The following ANXA10 variants were observed in gnomAD, a reference collection of about 807,000 sequenced individuals.
ANXA10 encodes annexin A10.
ANXA10 carries 49 observed loss-of-function variants against 53.5 expected under a neutral mutation model. The observed-to-expected ratio is 0.92, with a 90% confidence interval of 0.73 to 1.16. ANXA10 has a LOEUF of 1.16. Ranked by LOEUF, ANXA10 falls within the 50% of genes most tolerant of loss-of-function variation. The pLI is 0.00. For synonymous variants in ANXA10, 131 were observed against 128.9 expected (o/e 1.02, Z -0.11); for missense variants, 393 against 394.4 (o/e 1.00, Z 0.03).
intron 1 of ANXA10, among the ~76,000 whole-genome samples, chr4:168,100,522 C>G (rs1730622847): frequency 6.6e-6 from 1 of 152,196 alleles, no homozygotes; most frequent in Non-Finnish European, 1.5e-5. Context: ...CTCTGCTTCT[C>G]TCTCTTGTAT....
intron 3 of ANXA10, among the ~76,000 whole-genome samples, chr4:168,146,311 C>T (rs983618932): frequency 6.6e-6 from 1 of 152,092 alleles, no homozygotes; most frequent in East Asian, 1.9e-4. Flanking sequence ...AGTGATGTGG[C>T]GGAAGTCAGC....
At chr4:168,153,127 G>A (rs554368197) in intron 3 of ANXA10, among the ~76,000 whole-genome samples, 2 of 152,082 alleles carry the variant, frequency 1.3e-5, no homozygotes, top group African/African-American at 4.8e-5. Context: ...GCACCACTGT[G>A]CCCAGCCAGA....
intron 4 of ANXA10, 29 bp downstream of exon 4, chr4:168,162,670 TA>T: frequency 1.3e-6 from 2 of 1,577,728 alleles, no homozygotes; most frequent in Non-Finnish European, 1.7e-6. Context: ...AATATGCCTG[TA>T]ACAAGTACAG....
At chr4:168,107,976 A>T (rs1175796231) in intron 1 of ANXA10, among the ~76,000 whole-genome samples, 1 of 152,224 alleles carries the variant, frequency 6.6e-6, no homozygotes, top group Admixed American at 6.5e-5. Context: ...ACTTGCACTC[A>T]CAAAAATTTA....
At chr4:168,131,782 T>G (rs1731159888) in intron 2 of ANXA10, among the ~76,000 whole-genome samples, 1 of 152,092 alleles carries the variant, frequency 6.6e-6, no homozygotes, top group African/African-American at 2.4e-5. Context: ...CTTTGAAGTA[T>G]TCTTTGTCTA....
intron 1 of ANXA10, among the ~76,000 whole-genome samples, chr4:168,106,925 A>G (rs1405855934): frequency 3.3e-5 from 5 of 152,164 alleles, no homozygotes; most frequent in Non-Finnish European, 1.5e-5. Flanking sequence ...GATAAAATGC[A>G]TTACATATAA....
chr4:168,179,405 C>T, intron 9 of ANXA10, 93 bp downstream of exon 9: 1 of 832,130 alleles, frequency 1.2e-6, no homozygotes, highest in Non-Finnish European at 1.9e-6. Context: ...TGAGTAAGCT[C>T]TTGATCGAGT....
rs964218768 is a variant in ANXA10, at chr4:168,112,345, C to CA, written c.19-15730dup. Among the ~76,000 whole-genome samples the CA allele has an allele frequency of 1.0e-3, 151 of 149,896 alleles. 2 individuals carry two copies. The highest frequency in any genetic ancestry group is 3.4e-3 in the African/African-American group (140 of 40,894). On this transcript the variant is annotated intron_variant, in intron 1 of 11. Coordinates refer to ENST00000359299, the MANE Select transcript of ANXA10 (RefSeq NM_007193.5). ...CAACAACAAAAGAAAAGCCAGATTA[C>CA]AAAAAAAAATATGTAAATGTGACTT...
intron 2 of ANXA10, among the ~76,000 whole-genome samples, chr4:168,128,832 C>T (rs184744033): frequency 1.3e-5 from 2 of 151,998 alleles, no homozygotes; most frequent in African/African-American, 4.8e-5. Flanking sequence ...GGACTGTGAA[C>T]TCCCAGAGCT....
chr4:168,165,467 T>C (rs1222500479), intron 6 of ANXA10, 141 bp downstream of exon 6: 1 of 417,716 alleles, frequency 2.4e-6, no homozygotes, highest in Non-Finnish European at 4.2e-6. Flanking sequence ...TAACATTTAC[T>C]GAAGCCATGT....
intron 1 of ANXA10, 107 bp from the exon 2 acceptor site, chr4:168,127,977 G>T: frequency 1.0e-6 from 1 of 981,474 alleles, no homozygotes; most frequent in Non-Finnish European, 1.6e-6. Flanking sequence ...ACCCACCTCT[G>T]CCTCCCAAAG....
intron 6 of ANXA10, among the ~76,000 whole-genome samples, chr4:168,172,202 G>A (rs1428393784): frequency 2.0e-5 from 3 of 152,168 alleles, no homozygotes; most frequent in Admixed American, 6.5e-5. Context: ...CTCTGCCTTT[G>A]TCAAAGCCAA....
intron 3 of ANXA10, among the ~76,000 whole-genome samples, chr4:168,160,080 A>G (rs1731755677): frequency 6.6e-6 from 1 of 152,138 alleles, no homozygotes; most frequent in African/African-American, 2.4e-5. Flanking sequence ...AAGTTCAGGG[A>G]TACGTGTGCA....
chr4:168,101,311 G>C (rs1460976899), intron 1 of ANXA10, among the ~76,000 whole-genome samples: 1 of 151,938 alleles, frequency 6.6e-6, no homozygotes, highest in African/African-American at 2.4e-5. Context: ...CATGCTTCCT[G>C]TTCCTGTGGA....
chr4:168,119,319 T>C (rs944239533), intron 1 of ANXA10, among the ~76,000 whole-genome samples: 1 of 152,120 alleles, frequency 6.6e-6, no homozygotes, highest in African/African-American at 2.4e-5. Flanking sequence ...ATCCACATAA[T>C]TGGAAATAGG....
At chr4:168,154,225 T>C (rs1167632185) in intron 3 of ANXA10, among the ~76,000 whole-genome samples, 1 of 152,178 alleles carries the variant, frequency 6.6e-6, no homozygotes, top group African/African-American at 2.4e-5. Context: ...GTCTTCAGCT[T>C]GAACATTGCC....
chr4:168,122,683 T>C (rs1025188314), intron 1 of ANXA10, among the ~76,000 whole-genome samples: 1 of 152,146 alleles, frequency 6.6e-6, no homozygotes, highest in African/African-American at 2.4e-5. Context: ...GCCCGTCACA[T>C]GGCGAAAACA....
intron 2 of ANXA10, among the ~76,000 whole-genome samples, chr4:168,129,192 G>C (rs993430751): frequency 2.0e-5 from 3 of 152,096 alleles, no homozygotes; most frequent in African/African-American, 7.2e-5. Flanking sequence ...GCACATCTGT[G>C]TGTTTTATTC....
At chr4:168,148,807 T>C (rs1731447874) in intron 3 of ANXA10, among the ~76,000 whole-genome samples, 1 of 152,146 alleles carries the variant, frequency 6.6e-6, no homozygotes, top group South Asian at 2.1e-4. Flanking sequence ...TTCCTTTTTT[T>C]CTGGAAATAA....
Sources: allele counts gnomAD v4.1 joint callset (sites outside exome capture counted in the v4.1 genomes callset), GRCh38; gene constraint gnomAD v4.1.1; transcripts MANE v1.5; gene names NCBI Gene and HGNC (gene_info 2026-07-23, HGNC 2026-07-21).